Variants in ANK3 observed in about 807,000 individuals in gnomAD.
ANK3 encodes the protein ankyrin-3.
ANK3 carries 57 observed loss-of-function variants against 370.9 expected under a neutral mutation model. The observed-to-expected ratio is 0.15, with a 90% CI of 0.12 to 0.19. The LOEUF is 0.19. ANK3 is among the 10% of genes least tolerant of loss of function. The pLI, the probability that ANK3 is intolerant of heterozygous loss-of-function variation, is 1.00. For synonymous variants in ANK3, 1,929 were observed against 1,946.3 expected (o/e 0.99, Z 0.23); for missense variants, 4,439 against 5,302.1 (o/e 0.84, Z 5.06).
chr10:60,210,366 T>C (rs2096833979), intron 9 of ANK3, among the ~76,000 whole-genome samples: 1 of 150,530 alleles, frequency 6.6e-6, no homozygotes, highest in Non-Finnish European at 1.5e-5. Flanking sequence ...GAGGAAGACA[T>C]TTGAGTTGAA....
At chr10:60,568,794 A>G (rs537619415) in intron 2 of ANK3, among the ~76,000 whole-genome samples, 1 of 152,214 alleles carries the variant, frequency 6.6e-6, no homozygotes, top group South Asian at 2.1e-4. Context: ...GTGTATGTTA[A>G]GGTTAAATAA....
rs2079425817 is a variant in ANK3, at chr10:60,695,133, G to T, written c.57+38130C>A. On this transcript the variant is annotated intron_variant, in intron 1 of 43. Coordinates refer to the ANK3 transcript ENST00000373827. ...ATAAAACAGACTTTAAACCAACAAA[G>T]ATCAAAAGAGACAAAGAAGTCCATT... Among the ~76,000 whole-genome samples the T allele has an allele frequency of 2.0e-5, 3 of 151,922 alleles. No homozygotes were observed. In the South Asian group the frequency reaches 6.3e-4, roughly 32 times the overall value.
rs371288323 is a variant in ANK3 at position 60,051,494 on chromosome 10, C to T, written c.13065+4164G>A. 1.0e-5 allele frequency: 10 copies of T among 985,450 alleles called. No individual in the cohort carries two copies. The African/African-American group carries it at 1.2e-4, about 12-fold the overall frequency. The allele number at this position is 985,450 out of a possible 1,614,324, so 61.0% of individuals were successfully genotyped here. On this transcript the variant is annotated intron_variant, in intron 42 of 43. Transcript: ENST00000280772. ...GGATACCTTTATAATCAAACGCCGG[C>T]GAATAACTCGGGTAGTGACTCTCCG...
chr10:60,603,328 C>A (rs909844692), intron 2 of ANK3, among the ~76,000 whole-genome samples: 1 of 152,086 alleles, frequency 6.6e-6, no homozygotes, highest in African/African-American at 2.4e-5. Context: ...GACAGCTCAT[C>A]CTGAATGTTT....
intron 2 of ANK3, among the ~76,000 whole-genome samples, chr10:60,401,496 C>T (rs1425400719): frequency 6.6e-6 from 1 of 152,154 alleles, no homozygotes; most frequent in African/African-American, 2.4e-5. Flanking sequence ...TGTATTGCCA[C>T]TATTCAGAAA....
intron 23 of ANK3, among the ~76,000 whole-genome samples, chr10:60,150,636 TACTC>T (rs1452139151): frequency 1.3e-5 from 2 of 152,084 alleles, no homozygotes; most frequent in African/African-American, 4.8e-5. Flanking sequence ...AGTGAGTAAG[TACTC>T]ACTCTGTTTG....
At chr10:60,364,131 TA>T (rs2059062968) in intron 1 of ANK3, among the ~76,000 whole-genome samples, 1 of 151,662 alleles carries the variant, frequency 6.6e-6, no homozygotes, top group Admixed American at 6.6e-5. Flanking sequence ...CTGTTTCTAC[TA>T]AAAATACAAA....
At chr10:60,181,055 G>A (rs113993117) in intron 18 of ANK3, among the ~76,000 whole-genome samples, 134 of 152,204 alleles carry the variant, frequency 8.8e-4, no homozygotes, top group Middle Eastern at 3.4e-3. Context: ...ACTCTGCCCC[G>A]AAGGACACAT....
chr10:60,071,856 A>G lies in ANK3; in HGVS notation c.9025T>C (p.Phe3009Leu). 1 of 1,613,994 alleles carries G rather than the reference A, an allele frequency of 6.2e-7. No homozygotes were observed. The change falls in exon 37 of 44, where the codon TTT (phenylalanine) becomes CTT (leucine). Residue 3009 changes from phenylalanine to leucine, a missense_variant. Coordinates refer to ENST00000280772, the MANE Select transcript of ANK3 (RefSeq NM_020987.5). ...ACTTTTTCATCTTCTATAGAATTAA[A>G]GTGCTGTGTCTCAACTGTCTCTTTA... ...MSKETVETQH[F>L]NSIEDEKVTY... is the part of the protein sequence containing the mutation.
rs544037384 is a variant in ANK3 at position 60,070,479 on chromosome 10, C to T, written c.10402G>A (p.Glu3468Lys). The change falls in exon 37 of 44, where the codon GAG (glutamate) becomes AAG (lysine). Residue 3468 changes from glutamate to lysine, a missense_variant. Around this residue, in one of 13 missense-constraint regions of ANK3, gnomAD observed 1,601 missense variants for 1,731.7 expected, o/e 0.92. Transcript: ENST00000280772. The surrounding 1 kb of genome is among the most constrained non-coding windows in gnomAD (Gnocchi z 5.7). ...TCTGGTCCCACCTTTCCCTCCTCCT[C>T]GATAACTTCAAGTTTACTTTGGCTA... is the stretch of plus-strand genomic sequence containing the variant. ...SFSQSKLEVI[E>K]EEGKVGPDED... 6.8e-6 allele frequency: 11 copies of T among 1,614,096 alleles called. No homozygotes were observed. Among genetic ancestry groups the T allele is most frequent in the South Asian group, 5.5e-5 (5 of 91,082 alleles).
intron 2 of ANK3, among the ~76,000 whole-genome samples, chr10:60,447,003 G>A (rs2064466071): frequency 6.6e-6 from 1 of 152,142 alleles, no homozygotes; most frequent in Admixed American, 6.6e-5. Flanking sequence ...AGACCTTCAT[G>A]GGTTAGCGAA....
chr10:60,619,210 T>C (rs1445654555), intron 1 of ANK3, among the ~76,000 whole-genome samples: 1 of 151,500 alleles, frequency 6.6e-6, no homozygotes. Flanking sequence ...TCCCAAAGAG[T>C]CTTGAGTCTA....
rs75365032 is a variant in ANK3, at chr10:60,075,752, T to G, written c.5129A>C (p.His1710Pro). 2 of 1,614,176 alleles carry G rather than the reference T, an allele frequency of 1.2e-6. No individual in the cohort carries two copies. The highest frequency in any genetic ancestry group is 8.5e-7 in the Non-Finnish European group (1 of 1,180,004). ...LSSPVKQMPGHAEVALVNGSI... is the reference protein window; with the variant it reads ...LSSPVKQMPGPAEVALVNGSI... Reference sequence around the variant, plus strand: ...TCCATTGACTAATGCTACCTCTGCATGTCCAGGCATCTGCTTCACAGGTGA... The same window carrying G: ...TCCATTGACTAATGCTACCTCTGCAGGTCCAGGCATCTGCTTCACAGGTGA... The change falls in exon 37 of 44, where the codon CAT becomes CCT. Residue 1710 changes from histidine to proline, a missense_variant. Transcript: ENST00000280772.
intron 1 of ANK3, among the ~76,000 whole-genome samples, chr10:60,692,468 A>C (rs1254365722): frequency 6.6e-6 from 1 of 152,166 alleles, no homozygotes; most frequent in East Asian, 1.9e-4. Context: ...CTCAATTTCC[A>C]TTTCTAGTTT....
At chr10:60,709,734 G>T (rs1478336959) in intron 1 of ANK3, among the ~76,000 whole-genome samples, 1 of 151,746 alleles carries the variant, frequency 6.6e-6, no homozygotes, top group African/African-American at 2.4e-5. Flanking sequence ...AGGCTGAGAT[G>T]GGAGGATTGC....
chr10:60,313,526 T>TCA (rs1287140006), intron 1 of ANK3, among the ~76,000 whole-genome samples: 4 of 152,178 alleles, frequency 2.6e-5, no homozygotes, highest in African/African-American at 4.8e-5. Flanking sequence ...TCTTTGCCTG[T>TCA]CCTCCAGGGC....
chr10:60,091,903 G>A (rs1025472106), intron 28 of ANK3, among the ~76,000 whole-genome samples: 8 of 151,954 alleles, frequency 5.3e-5, no homozygotes, highest in East Asian at 1.9e-4. Flanking sequence ...GCTAATTTTC[G>A]TACTTTTAGT....
In ANK3 at chr10:60,029,286, G is replaced by T. The variant is rs138558802; in HGVS notation, c.*560C>A. 2.1e-3 allele frequency: 318 copies of T among 152,298 alleles called. 2 individuals carry two copies. Among genetic ancestry groups the T allele is most frequent in the African/African-American group, 7.5e-3 (309 of 41,460 alleles). 9.4% of individuals were successfully genotyped at this position (152,298 alleles called of 1,614,324 possible). On this transcript the variant is annotated 3_prime_UTR_variant, in exon 44 of 44. Transcript: ENST00000280772. ...AATGCATTTGCAATATTCTGTTTGT[G>T]TTCTAAGAGGCAGTGCCTTATCAAC...
At chr10:60,468,510 T>C (rs928878801) in intron 2 of ANK3, among the ~76,000 whole-genome samples, 2 of 152,076 alleles carry the variant, frequency 1.3e-5, no homozygotes, top group African/African-American at 2.4e-5. Flanking sequence ...TCAAGTAAAA[T>C]AGCAAAATCA....
Sources: allele counts gnomAD v4.1 joint callset (sites outside exome capture counted in the v4.1 genomes callset), GRCh38; gene constraint gnomAD v4.1.1; regional missense constraint gnomAD v4.1.1; non-coding constraint Gnocchi (gnomAD v3.1); transcripts MANE v1.5; gene names NCBI Gene and HGNC (gene_info 2026-07-23, HGNC 2026-07-21).